Variants in EPHB2 observed in about 807,000 individuals in gnomAD.
EPHB2 encodes EPH receptor B2.
Under a neutral mutation model 96.4 loss-of-function variants are expected in EPHB2, and 18 were observed. The ratio of observed to expected loss-of-function variants is 0.19; its 90% CI spans 0.13 to 0.28. The LOEUF (loss-of-function observed/expected upper bound fraction) is 0.28. Ranked by LOEUF, EPHB2 falls within the 10% of genes least tolerant of loss-of-function variation. EPHB2 has a pLI of 1.00. For synonymous variants in EPHB2, 506 were observed against 534.1 expected, an observed-to-expected ratio of 0.95 and a Z score of 0.72; for missense variants, 989 against 1,355.4, an observed-to-expected ratio of 0.73 and a Z score of 4.25.
At chr1:22,847,878 C>T (rs1645566653) in intron 3 of EPHB2, among the ~76,000 whole-genome samples, 1 of 152,146 alleles carries the variant, frequency 6.6e-6, no homozygotes, top group Non-Finnish European at 1.5e-5. Flanking sequence ...TCTTCTGACC[C>T]TGACAGACTC....
intron 1 of EPHB2, among the ~76,000 whole-genome samples, chr1:22,769,884 G>A (rs1036467395): frequency 6.6e-6 from 1 of 152,174 alleles, no homozygotes; most frequent in African/African-American, 2.4e-5. Context: ...GAGGTAGGGA[G>A]GGAGGTTGCT....
intron 3 of EPHB2, among the ~76,000 whole-genome samples, chr1:22,786,559 T>C (rs1221540070): frequency 6.6e-6 from 1 of 152,190 alleles, no homozygotes; most frequent in Non-Finnish European, 1.5e-5. Context: ...ACCAGCTCTG[T>C]GCTTCCTCCC....
chr1:22,896,198 G>T (rs1326771801), intron 8 of EPHB2, among the ~76,000 whole-genome samples: 1 of 152,164 alleles, frequency 6.6e-6, no homozygotes, highest in African/African-American at 2.4e-5. Flanking sequence ...TTTGAAGGGG[G>T]CTTGGCTGGA....
intron 3 of EPHB2, among the ~76,000 whole-genome samples, chr1:22,862,200 A>C (rs1188826657): frequency 1.3e-5 from 2 of 152,254 alleles, no homozygotes; most frequent in Non-Finnish European, 2.9e-5. Context: ...TCAGAGCTAC[A>C]GTGGGGGTGG....
intron 3 of EPHB2, among the ~76,000 whole-genome samples, chr1:22,795,546 A>G (rs189264013): frequency 6.6e-4 from 101 of 152,280 alleles, no homozygotes; most frequent in Non-Finnish European, 1.6e-4. Flanking sequence ...AATGTCTTAC[A>G]TATGTACAGT....
intron 1 of EPHB2, among the ~76,000 whole-genome samples, chr1:22,729,046 C>T (rs1299699144): frequency 6.6e-6 from 1 of 152,252 alleles, no homozygotes; most frequent in African/African-American, 2.4e-5. Context: ...AGAAATTACA[C>T]ATCCTGATAA....
intron 1 of EPHB2, among the ~76,000 whole-genome samples, chr1:22,761,166 G>A (rs1483099359): frequency 1.3e-5 from 2 of 152,148 alleles, no homozygotes; most frequent in Non-Finnish European, 2.9e-5. Flanking sequence ...GGAATGCCAG[G>A]ACTGATGTTT....
intron 9 of EPHB2, among the ~76,000 whole-genome samples, chr1:22,904,435 G>A (rs1025563753): frequency 3.9e-5 from 6 of 152,112 alleles, no homozygotes; most frequent in Non-Finnish European, 5.9e-5. Context: ...GAATAGAAAA[G>A]GACAATCATA....
intron 9 of EPHB2, among the ~76,000 whole-genome samples, chr1:22,903,493 ATGGTGATTAGGAG>A (rs771612324): frequency 6.8e-4 from 103 of 152,342 alleles, no homozygotes; most frequent in Admixed American, 3.9e-4. Context: ...GGCAGTGAAC[ATGGTGATTAGGAG>A]TACTGGCCCC....
At chr1:22,894,329 G>C (rs367561507) in intron 7 of EPHB2, among the ~76,000 whole-genome samples, 7 of 152,292 alleles carry the variant, frequency 4.6e-5, no homozygotes, top group African/African-American at 1.4e-4. Flanking sequence ...TAGGCGCGGT[G>C]GCTCACACCT....
intron 3 of EPHB2, among the ~76,000 whole-genome samples, chr1:22,788,838 T>C (rs1286286080): frequency 6.7e-6 from 1 of 149,822 alleles, no homozygotes; most frequent in Non-Finnish European, 1.5e-5. Flanking sequence ...CACTGCAAGC[T>C]CTGCCTCCTG....
chr1:22,773,858 C>T (rs183841102), intron 1 of EPHB2, among the ~76,000 whole-genome samples: 197 of 152,282 alleles, frequency 1.3e-3, no homozygotes, highest in African/African-American at 4.6e-3. Flanking sequence ...GGCTTTGGTG[C>T]GAGGCAGACC....
At chr1:22,749,319 C>T (rs1376608106) in intron 1 of EPHB2, among the ~76,000 whole-genome samples, 1 of 152,154 alleles carries the variant, frequency 6.6e-6, no homozygotes, top group African/African-American at 2.4e-5. Flanking sequence ...CACACCCAGC[C>T]TCCTTTTTAC....
At chr1:22,812,416 G>A (rs765439662) in intron 3 of EPHB2, among the ~76,000 whole-genome samples, 23 of 152,182 alleles carry the variant, frequency 1.5e-4, no homozygotes, top group South Asian at 6.2e-4. Context: ...AATAAGAAAC[G>A]GATGAAGATG....
intron 6 of EPHB2, among the ~76,000 whole-genome samples, chr1:22,889,755 AC>A (rs796566217): frequency 4.5e-4 from 68 of 152,338 alleles, no homozygotes; most frequent in African/African-American, 1.5e-3. Flanking sequence ...GACAGGGGCA[AC>A]AGTGCTTGCA....
At chr1:22,886,979 C>T (rs999634945) in intron 6 of EPHB2, among the ~76,000 whole-genome samples, 1 of 151,984 alleles carries the variant, frequency 6.6e-6, no homozygotes, top group Non-Finnish European at 1.5e-5. Context: ...AAGGGTGACT[C>T]CTAGGAGATG....
chr1:22,861,154 T>C (rs1207641590), intron 3 of EPHB2, among the ~76,000 whole-genome samples: 1 of 152,112 alleles, frequency 6.6e-6, no homozygotes, highest in Non-Finnish European at 1.5e-5. Flanking sequence ...ACAACAACTC[T>C]AGGAGGTAGA....
At chr1:22,804,150 G>T (rs1269210260) in intron 3 of EPHB2, among the ~76,000 whole-genome samples, 1 of 152,158 alleles carries the variant, frequency 6.6e-6, no homozygotes, top group Non-Finnish European at 1.5e-5. Context: ...TTACACTCAG[G>T]ACCGCATTAG....
chr1:22,769,792 G>A (rs1446347871), intron 1 of EPHB2, among the ~76,000 whole-genome samples: 2 of 152,174 alleles, frequency 1.3e-5, no homozygotes, highest in Non-Finnish European at 2.9e-5. Flanking sequence ...GTGGATAGCA[G>A]ATGTATAGAT....
Sources: allele counts gnomAD v4.1 joint callset (sites outside exome capture counted in the v4.1 genomes callset), GRCh38; gene constraint gnomAD v4.1.1; transcripts MANE v1.5; gene names NCBI Gene and HGNC (gene_info 2026-07-23, HGNC 2026-07-21).